The following BIN3 variants were observed in gnomAD, a reference collection of about 807,000 sequenced individuals.
BIN3 encodes bridging integrator 3.
In BIN3, 41 loss-of-function variants were observed where a neutral mutation model predicts 38.2. The observed-to-expected ratio is 1.07, with a 90% CI of 0.84 to 1.39. The LOEUF is 1.39. Among genes scored for constraint, BIN3 ranks in the 40% most tolerant of loss-of-function variants. The pLI is 0.00. For synonymous variants in BIN3, 145 were observed against 122.6 expected (o/e 1.18, Z -1.21); for missense variants, 361 against 324.3 (o/e 1.11, Z -0.87).
chr8:22,644,545 C>G, intron 2 of BIN3: 1 of 546,290 alleles, frequency 1.8e-6, no homozygotes, highest in Non-Finnish European at 3.3e-6. Flanking sequence ...GATAAAGAGC[C>G]CAGGCTAACC....
At chr8:22,660,528 C>T (rs972563319) in intron 1 of BIN3, among the ~76,000 whole-genome samples, 3 of 152,166 alleles carry the variant, frequency 2.0e-5, no homozygotes, top group Admixed American at 6.5e-5. Context: ...AAGTTTGGCC[C>T]CTAGAAAGCA....
chr8:22,656,131 T>G (rs956314164), intron 1 of BIN3, among the ~76,000 whole-genome samples: 1 of 152,232 alleles, frequency 6.6e-6, no homozygotes, highest in South Asian at 2.1e-4. Context: ...TATTTATAGA[T>G]TAACTTTTGA....
At chr8:22,653,705 G>C (rs1324051308) in intron 1 of BIN3, among the ~76,000 whole-genome samples, 1 of 152,164 alleles carries the variant, frequency 6.6e-6, no homozygotes, top group Admixed American at 6.5e-5. Flanking sequence ...TGAAGACAGA[G>C]GTTTTCCTAA....
chr8:22,667,569 T>C (rs149345582), intron 1 of BIN3, among the ~76,000 whole-genome samples: 3 of 152,178 alleles, frequency 2.0e-5, no homozygotes, highest in Non-Finnish European at 2.9e-5. Context: ...AGAATGACAC[T>C]GAAAGGACGT....
intron 1 of BIN3, among the ~76,000 whole-genome samples, chr8:22,668,012 G>A (rs540620361): frequency 1.5e-3 from 226 of 152,316 alleles, no homozygotes; most frequent in African/African-American, 5.1e-3. Context: ...AGCCTCTGAG[G>A]ACAGAGTGGC....
rs565021448 is a variant in BIN3, at chr8:22,642,937, G to A, written c.57+1818C>T. Among the ~76,000 whole-genome samples the A allele has an allele frequency of 2.2e-4, 34 of 152,326 alleles. No individual in the cohort carries two copies. The South Asian group carries it at 2.9e-3, about 13-fold the overall frequency. On this transcript the variant is annotated intron_variant, in intron 2 of 8. Coordinates refer to ENST00000276416, the MANE Select transcript of BIN3 (RefSeq NM_018688.6). ...AGGGATGCCCTGTGTGCATCTGCCC[G>A]CACTGCGAGTCCTTGCCACTCCTTA...
At chr8:22,645,769 G>A (rs535911751) in intron 1 of BIN3, among the ~76,000 whole-genome samples, 1 of 152,272 alleles carries the variant, frequency 6.6e-6, no homozygotes, top group South Asian at 2.1e-4. Context: ...TCTATAGAGG[G>A]GCAAACTTTG....
rs564457738 is a variant in BIN3 at position 22,631,266 on chromosome 8, C to T, written c.161-688G>A. On this transcript the variant is annotated intron_variant, in intron 4 of 8. Transcript: ENST00000276416. ...GGAAAATGTGTTTTCCCCCAAGACTCGCCCAGACACACACTGCAGCTGGTA... is the reference window on the plus strand; with the variant it reads ...GGAAAATGTGTTTTCCCCCAAGACTTGCCCAGACACACACTGCAGCTGGTA... 3.3e-5 allele frequency among the ~76,000 whole-genome samples: 5 copies of T among 152,280 alleles called. No homozygotes were observed. The South Asian group carries it at 8.3e-4, about 25-fold the overall frequency.
intron 8 of BIN3, among the ~76,000 whole-genome samples, chr8:22,622,062 A>T (rs1462139256): frequency 6.6e-6 from 1 of 152,196 alleles, no homozygotes; most frequent in Non-Finnish European, 1.5e-5. Flanking sequence ...CTCATGGCCC[A>T]AGCTGCGTGG....
chr8:22,644,910 T>G (rs1802667956), intron 1 of BIN3, 107 bp from the exon 2 acceptor site: 1 of 967,020 alleles, frequency 1.0e-6, no homozygotes, highest in Admixed American at 2.1e-5. Flanking sequence ...CGAGGAAGCG[T>G]GGCCATGGCT....
At chr8:22,634,348 T>C (rs1208192977) in intron 4 of BIN3, 5 of 385,292 alleles carry the variant, frequency 1.3e-5, no homozygotes, top group Non-Finnish European at 2.6e-5. Context: ...GAATTAGCAC[T>C]GGCATGAAAA....
chr8:22,656,218 T>C (rs1204440035), intron 1 of BIN3, among the ~76,000 whole-genome samples: 1 of 121,406 alleles, frequency 8.2e-6, no homozygotes, highest in Non-Finnish European at 1.6e-5. Context: ...CCCTTGGTCT[T>C]AAGGGTTTTT....
chr8:22,625,454 G>C (rs1437398813), intron 6 of BIN3: 3 of 701,622 alleles, frequency 4.3e-6, no homozygotes, highest in Non-Finnish European at 7.8e-6. Context: ...GGAAAGACGA[G>C]GGCAGGAAGC....
At chr8:22,648,941 AAG>A (rs1282529478) in intron 1 of BIN3, among the ~76,000 whole-genome samples, 427 of 149,754 alleles carry the variant, frequency 2.9e-3, no homozygotes, top group Non-Finnish European at 4.8e-3. Context: ...GTATGTATGT[AAG>A]TGTGTGTGTG....
chr8:22,651,812 C>T (rs927138839), intron 1 of BIN3, among the ~76,000 whole-genome samples: 49 of 152,206 alleles, frequency 3.2e-4, no homozygotes, highest in African/African-American at 1.2e-3. Context: ...TGGGTACTCA[C>T]AGGACTGTTT....
chr8:22,632,426 G>A (rs1487722335), intron 4 of BIN3, among the ~76,000 whole-genome samples: 1 of 152,202 alleles, frequency 6.6e-6, no homozygotes, highest in African/African-American at 2.4e-5. Context: ...GCAAACTGTG[G>A]GAGAAGGCTG....
intron 8 of BIN3, among the ~76,000 whole-genome samples, chr8:22,623,309 C>T (rs796298531): frequency 5.6e-4 from 86 of 152,286 alleles, no homozygotes; most frequent in African/African-American, 1.8e-3. Context: ...CTCCCGTCCC[C>T]GAGTGGAAGG....
intron 1 of BIN3, among the ~76,000 whole-genome samples, chr8:22,646,567 A>C (rs941702562): frequency 2.0e-5 from 3 of 152,166 alleles, no homozygotes; most frequent in African/African-American, 7.2e-5. Context: ...TTTCTGGAGG[A>C]CATCCTGTTT....
intron 6 of BIN3, 22 bp from the exon 7 acceptor site, chr8:22,624,385 G>A: frequency 6.2e-7 from 1 of 1,607,200 alleles, no homozygotes; most frequent in African/African-American, 1.3e-5. Context: ...GCTGGCTGGA[G>A]ATGGGCCCGT....
Sources: gnomAD v4.1 joint callset for allele counts (sites outside exome capture counted in the v4.1 genomes callset) on GRCh38, gnomAD v4.1.1 for gene constraint, MANE v1.5 for transcripts, NCBI Gene and HGNC (gene_info 2026-07-23, HGNC 2026-07-21) for gene names.